Variants in SLC15A1 observed in about 807,000 individuals in gnomAD.
The protein encoded by SLC15A1 is solute carrier family 15 member 1.
A neutral mutation model predicts 92.9 loss-of-function variants in SLC15A1; 83 were observed. The ratio of observed to expected loss-of-function variants is 0.89; its 90% CI spans 0.75 to 1.07. The LOEUF (loss-of-function observed/expected upper bound fraction) is 1.07, where lower values mean the gene tolerates loss of function less well. Among genes scored for constraint, SLC15A1 ranks in the 50% least tolerant of loss-of-function variants. The probability of loss-of-function intolerance (pLI) is 0.00; values close to 1 mark genes in which losing one functional copy is unlikely to be tolerated. For synonymous variants in SLC15A1, 322 were observed against 318.2 expected (o/e 1.01, Z -0.13); for missense variants, 857 against 880.1 (o/e 0.97, Z 0.33).
chr13:98,696,791 C>T (rs1371834983), intron 18 of SLC15A1, among the ~76,000 whole-genome samples: 2 of 152,108 alleles, frequency 1.3e-5, no homozygotes, highest in Non-Finnish European at 2.9e-5. Context: ...ATCCCCAGTA[C>T]CTCAGAGAGG....
At chr13:98,724,091 C>G (rs371816137) in intron 4 of SLC15A1, 60 bp from the exon 5 acceptor site, 2 of 1,598,964 alleles carry the variant, frequency 1.3e-6, no homozygotes, top group African/African-American at 2.7e-5. Context: ...CCACTTTTGA[C>G]TCCACCACAA....
At chr13:98,746,677 T>C (rs1399109028) in intron 1 of SLC15A1, among the ~76,000 whole-genome samples, 1 of 152,246 alleles carries the variant, frequency 6.6e-6, no homozygotes, top group Non-Finnish European at 1.5e-5. Context: ...AGCCTTCTTA[T>C]GGAAGTACAT....
At chr13:98,718,787 C>T (rs7985400) in intron 8 of SLC15A1, among the ~76,000 whole-genome samples, 121,141 of 152,148 alleles carry the variant, frequency 0.8, 49,020 homozygotes, top group African/African-American at 0.94. Context: ...CCAGCCTGGG[C>T]GACAAGAGCA....
intron 4 of SLC15A1, among the ~76,000 whole-genome samples, chr13:98,724,985 C>T (rs2088287477): frequency 1.3e-5 from 2 of 152,100 alleles, no homozygotes; most frequent in Admixed American, 1.3e-4. Flanking sequence ...GTGTGTGGGA[C>T]ACTGGGGCAG....
chr13:98,711,881 T>C lies in SLC15A1; in HGVS notation c.873A>G (p.Pro291=). The C allele has an allele frequency of 1.9e-6, 3 of 1,613,760 alleles. No individual in the cohort carries two copies. Among genetic ancestry groups the C allele is most frequent in the East Asian group, 2.2e-5 (1 of 44,864 alleles). The change falls in exon 11 of 23, where the codon CCA becomes CCG. Residue 291 remains proline, a synonymous_variant. Coordinates refer to ENST00000376503, the MANE Select transcript of SLC15A1 (RefSeq NM_005073.4). ...TRVMFLYIPL[P]MFWALFDQQG... ...GCTGGTCAAACAAGGCCCAGAACAT[T>C]GGGAGTGGAATATACAGGAACATCA...
intron 15 of SLC15A1, among the ~76,000 whole-genome samples, chr13:98,707,991 T>A (rs2088128041): frequency 6.6e-6 from 1 of 151,526 alleles, no homozygotes; most frequent in African/African-American, 2.4e-5. Flanking sequence ...TTTAAAGATA[T>A]TAAAAGAGCT....
chr13:98,710,187 A>C (rs2088149971), intron 11 of SLC15A1, among the ~76,000 whole-genome samples: 1 of 152,208 alleles, frequency 6.6e-6, no homozygotes, highest in African/African-American at 2.4e-5. Context: ...ATCCCTAGGA[A>C]ATACAAAAAT....
chr13:98,749,314 G>A lies in SLC15A1; in HGVS notation c.4+3281C>T, dbSNP rs867108098. Among the ~76,000 whole-genome samples the A allele has an allele frequency of 3.3e-5, 5 of 152,242 alleles. No homozygotes were observed. In the South Asian group the frequency reaches 1.0e-3, roughly 32 times the overall value. On this transcript the variant is annotated intron_variant, in intron 1 of 22. Coordinates refer to ENST00000376503, the MANE Select transcript of SLC15A1 (RefSeq NM_005073.4). ...CAAACAAGGCCAGCCAGGAGGCTGAGATCTGGTGGGGCAGGAAGAGAATAA... is the reference window on the plus strand; with the variant it reads ...CAAACAAGGCCAGCCAGGAGGCTGAAATCTGGTGGGGCAGGAAGAGAATAA...
chr13:98,730,016 C>G lies in SLC15A1; in HGVS notation c.5-3157G>C, dbSNP rs995621523. 3.3e-5 allele frequency among the ~76,000 whole-genome samples: 5 copies of G among 152,016 alleles called. 1 individual carries two copies. Among genetic ancestry groups the G allele is most frequent in the Middle Eastern group, 6.8e-3 (2 of 292 alleles). The stretch of plus-strand genomic sequence containing the variant: ...GGTCAGGAGTTGGAGACCAGCCTGG[C>G]CAACATGGTGAAACCCTGTCTCTAC... On this transcript the variant is annotated intron_variant, in intron 1 of 22. Coordinates refer to ENST00000376503, the MANE Select transcript of SLC15A1 (RefSeq NM_005073.4).
chr13:98,700,484 C>CAAAAAAAAAAAAAAAAAAAAAAA (rs56342746), intron 18 of SLC15A1, among the ~76,000 whole-genome samples: 1 of 50,914 alleles, frequency 2.0e-5, no homozygotes, highest in Non-Finnish European at 3.2e-5. Context: ...GACCCTGTCT[C>CAAAAAAAAAAAAAAAAAAAAAAA]AAAAAAAAAA....
rs4646233 is a variant in SLC15A1 at position 98,684,545 on chromosome 13, CAAAAAAAAAAAAA to C, written c.*166_*178del. ...GGACAACAAGAGCAAAACTCTGTCT[CAAAAAAAAAAAAA>C]AAAAAAAAAAGAAAAGAAAAAGAAA... On this transcript the variant is annotated 3_prime_UTR_variant, in exon 23 of 23. Coordinates refer to ENST00000376503, the MANE Select transcript of SLC15A1 (RefSeq NM_005073.4). The C allele has an allele frequency of 5.7e-5, 11 of 193,350 alleles. No individual in the cohort carries two copies. Among genetic ancestry groups the C allele is most frequent in the African/African-American group, 1.4e-4 (3 of 21,662 alleles). The allele number at this position is 193,350 out of a possible 1,614,324, so 12.0% of individuals were successfully genotyped here.
chr13:98,687,364 T>C (rs1375785149), intron 21 of SLC15A1, among the ~76,000 whole-genome samples: 1 of 152,190 alleles, frequency 6.6e-6, no homozygotes, highest in Non-Finnish European at 1.5e-5. Flanking sequence ...TATGGACACA[T>C]GTGAACACGT....
At position 98,706,223 on chromosome 13, in the gene SLC15A1, C is replaced by A. The variant is rs372092782; in HGVS notation, c.1180G>T (p.Glu394Ter). ...KTLPVFPKGN[E>*]VQIKVLNIGN... Reference sequence around the variant, plus strand: ...ATATTCAAAACTTTAATTTGGACTTCGTTTCCTTTGGGGAAGACTGGAAGA... The same window carrying A: ...ATATTCAAAACTTTAATTTGGACTTAGTTTCCTTTGGGGAAGACTGGAAGA... Residue 394 changes from glutamate (E) to a stop codon, truncating the protein, a stop_gained, in exon 16 of 23, where the codon GAA becomes TAA. Coordinates refer to ENST00000376503, the MANE Select transcript of SLC15A1 (RefSeq NM_005073.4). LOFTEE classifies it high-confidence loss of function. 1.7e-5 allele frequency: 27 copies of A among 1,613,276 alleles called. No individual in the cohort carries two copies. The highest frequency in any genetic ancestry group is 1.9e-5 in the Non-Finnish European group (23 of 1,179,752).
In SLC15A1 at chr13:98,709,872, T is replaced by G; in HGVS notation, c.940A>C (p.Lys314Gln). Residue 314 changes from lysine (K) to glutamine (Q), a missense_variant, in exon 12 of 23, where the codon AAA becomes CAA. Transcript: ENST00000376503. ...AACAAAGGAGTCAAACTTACGATTT[T>G]CCCGGACATAGTTGTTGCCTGCAGT... ...WTLQATTMSGKIGALEIQPDQ... is the reference protein window; with the variant it reads ...WTLQATTMSGQIGALEIQPDQ... 5 of 1,614,208 alleles carry G rather than the reference T, an allele frequency of 3.1e-6. No homozygotes were observed. The highest frequency in any genetic ancestry group is 4.2e-6 in the Non-Finnish European group (5 of 1,180,024).
At chr13:98,706,911 A>G (rs1008960256) in intron 15 of SLC15A1, among the ~76,000 whole-genome samples, 1 of 152,122 alleles carries the variant, frequency 6.6e-6, no homozygotes, top group Non-Finnish European at 1.5e-5. Context: ...CTGAGTCACT[A>G]TAACCTAAAC....
intron 1 of SLC15A1, among the ~76,000 whole-genome samples, chr13:98,730,426 A>G (rs1259337038): frequency 6.6e-6 from 1 of 152,204 alleles, no homozygotes; most frequent in Admixed American, 6.5e-5. Flanking sequence ...CCTCCGCACG[A>G]ATAACCTGGT....
rs1434673753 is a variant in SLC15A1 at position 98,706,183 on chromosome 13, A to G, written c.1220T>C (p.Met407Thr). The change falls in exon 16 of 23, where the codon ATG becomes ACG. Residue 407 changes from methionine (M) to threonine (T), a missense_variant. By Grantham distance (81) the Met-to-Thr change is moderately conservative. Coordinates refer to ENST00000376503, the MANE Select transcript of SLC15A1 (RefSeq NM_005073.4). ...CATCTCTCCAGGAAGAGATATATTC[A>G]TGGTATTGTTTCCTATATTCAAAAC... ...IKVLNIGNNT[M>T]NISLPGEMVT... 7 of 1,613,242 alleles carry G rather than the reference A, an allele frequency of 4.3e-6. No individual in the cohort carries two copies. Among genetic ancestry groups the G allele is most frequent in the Non-Finnish European group, 5.9e-6 (7 of 1,179,440 alleles).
chr13:98,693,095 T>TC (rs1387152404), intron 18 of SLC15A1, among the ~76,000 whole-genome samples: 1 of 134,708 alleles, frequency 7.4e-6, no homozygotes, highest in Non-Finnish European at 1.6e-5. Flanking sequence ...ACGTTTTTTT[T>TC]TTTTTTTTTT....
chr13:98,725,567 C>T (rs113719611), intron 4 of SLC15A1, among the ~76,000 whole-genome samples: 1,589 of 152,268 alleles, frequency 0.01, 9 homozygotes, highest in Middle Eastern at 0.041. Context: ...GCTACTGTGT[C>T]AAGATGTGAC....
Sources: gnomAD v4.1 joint callset for allele counts (sites outside exome capture counted in the v4.1 genomes callset) on GRCh38, gnomAD v4.1.1 for gene constraint, MANE v1.5 for transcripts, NCBI Gene and HGNC (gene_info 2026-07-23, HGNC 2026-07-21) for gene names.